The following ULK2 variants were observed in gnomAD, a reference collection of about 807,000 sequenced individuals.
ULK2 encodes the protein serine/threonine-protein kinase ULK2.
ULK2 carries 76 observed loss-of-function variants against 127.5 expected under a neutral mutation model. That is an observed-to-expected ratio of 0.60 (90% confidence interval 0.50 to 0.72). The LOEUF (loss-of-function observed/expected upper bound fraction) is 0.72, where lower values mean the gene tolerates loss of function less well. Ranked by LOEUF, ULK2 falls within the 30% of genes least tolerant of loss-of-function variation. ULK2 has a pLI of 0.00. For missense variants in ULK2, 1,144 were observed against 1,295.9 expected (o/e 0.88, Z 1.80); for synonymous variants, 452 against 461.9 (o/e 0.98, Z 0.28).
At chr17:19,843,011 C>G in intron 8 of ULK2, 110 bp downstream of exon 8, 2 of 925,146 alleles carry the variant, frequency 2.2e-6, no homozygotes, top group Middle Eastern at 2.2e-4. Flanking sequence ...AAGTAACTCA[C>G]AGAGGAGCCA....
Position 19,867,525 on chromosome 17 carries a change from G to A in ULK2, c.-108C>T. 1 of 705,572 alleles carries A rather than the reference G, an allele frequency of 1.4e-6. No homozygotes were observed. Among genetic ancestry groups the A allele is most frequent in the Non-Finnish European group, 2.0e-6 (1 of 508,490 alleles). The allele number at this position is 705,572 out of a possible 1,614,324, so 43.7% of individuals were successfully genotyped here. A position where few individuals can be genotyped will look rare whatever the true frequency, so the allele number is the denominator to read the frequency against. ...AGCGCGCCAGCGTGCGGCGGGTCTG[G>A]GGCAGCCGCAGCCCCGGGCCCGGGC... On this transcript the variant is annotated 5_prime_UTR_variant, in exon 1 of 27. Transcript: ENST00000395544.
chr17:19,782,150 G>T, intron 22 of ULK2, 83 bp from the exon 23 acceptor site: 2 of 1,355,264 alleles, frequency 1.5e-6, no homozygotes, highest in Non-Finnish European at 1.0e-6. Context: ...CATGGCCGCT[G>T]ATCATGTTTT....
At position 19,829,551 on chromosome 17, in the gene ULK2, G is replaced by GGA. The variant is rs1263900866; in HGVS notation, c.788-3366_788-3365insTC. On this transcript the variant is annotated intron_variant, in intron 10 of 26. Transcript: ENST00000395544. The stretch of plus-strand genomic sequence containing the variant: ...GACCCTGTCAAGGAAAAAAAAAAGG[G>GGA]GGGGGGCTGGGCACGGTAGCTCACG... Among the ~76,000 whole-genome samples the GGA allele has an allele frequency of 3.3e-3, 462 of 141,772 alleles. 47 individuals are homozygous for GGA. Among genetic ancestry groups the GGA allele is most frequent in the African/African-American group, 0.012 (449 of 38,826 alleles). 93.0% of individuals were successfully genotyped at this position (141,772 alleles called of 152,430 possible). A position where few individuals can be genotyped will look rare whatever the true frequency, so the allele number is the denominator to read the frequency against.
intron 17 of ULK2, 54 bp from the exon 18 acceptor site, chr17:19,797,736 A>C: frequency 7.3e-7 from 1 of 1,373,034 alleles, no homozygotes; most frequent in Non-Finnish European, 9.5e-7. Context: ...GCAGTGCAAA[A>C]ATGTAAAAAT....
rs534431794 is a variant in ULK2, at chr17:19,776,023, T to C, written c.*326A>G. 10 of 254,634 alleles carry C rather than the reference T, an allele frequency of 3.9e-5. No homozygotes were observed. In the South Asian group the frequency reaches 1.0e-3, roughly 26 times the overall value. 15.8% of individuals were successfully genotyped at this position (254,634 alleles called of 1,614,324 possible). ...CCCAGTGACGAGCACTCACTTTGTT[T>C]CATTTTTAATTATCTTTAAGAATAA... On this transcript the variant is annotated 3_prime_UTR_variant, in exon 27 of 27. Coordinates refer to ENST00000395544, the MANE Select transcript of ULK2 (RefSeq NM_014683.4).
intron 25 of ULK2, among the ~76,000 whole-genome samples, chr17:19,778,893 G>C (rs205097): frequency 0.86 from 130,301 of 152,240 alleles, 57,315 homozygotes; most frequent in Non-Finnish European, 0.97. Context: ...TAAGCAGCCA[G>C]GACGAACGGA....
rs2086897365 is a variant in ULK2 at position 19,780,570 on chromosome 17, C to G, written c.2818G>C (p.Glu940Gln). 6.2e-7 allele frequency: 1 copy of G among 1,613,838 alleles called. No homozygotes were observed. Among genetic ancestry groups the G allele is most frequent in the Non-Finnish European group, 8.5e-7 (1 of 1,179,912 alleles). ...FCITMCKKLT[E>Q]KLNRFFSDKQ... ...TCAGAGAAGAATCGATTCAGCTTTT[C>G]TGTAAGTTTCTTGCACATGGTGATG... is the stretch of plus-strand genomic sequence containing the variant. The change falls in exon 25 of 27, where the codon GAA becomes CAA. Residue 940 changes from glutamate to glutamine, a missense_variant. By Grantham distance (29) the Glu-to-Gln change is conservative (BLOSUM62 2). Transcript: ENST00000395544.
At position 19,799,020 on chromosome 17, in the gene ULK2, G is replaced by C. The variant is rs530155444; in HGVS notation, c.1522+475C>G. Among the ~76,000 whole-genome samples, 3 of 152,122 alleles carry C rather than the reference G, an allele frequency of 2.0e-5. 1 individual carries two copies. In the South Asian group the frequency reaches 6.2e-4, roughly 32 times the overall value. The stretch of plus-strand genomic sequence containing the variant: ...TACTAAAAATACAAAAATTAGCCGG[G>C]CATGGTGTTGCTCACCTGTAGTCCC... On this transcript the variant is annotated intron_variant, in intron 17 of 26. Transcript: ENST00000395544.
At chr17:19,829,182 C>T (rs546638958) in intron 10 of ULK2, among the ~76,000 whole-genome samples, 36 of 152,208 alleles carry the variant, frequency 2.4e-4, no homozygotes, top group Non-Finnish European at 1.5e-4. Context: ...AAGAGAAGGG[C>T]AAAGTTGACT....
chr17:19,825,679 G>A (rs925834720), intron 11 of ULK2, among the ~76,000 whole-genome samples: 20 of 149,194 alleles, frequency 1.3e-4, no homozygotes, highest in Non-Finnish European at 1.2e-4. Context: ...GAGTGACAGA[G>A]CAAGACTCCG....
At chr17:19,791,468 T>C (rs574808025) in intron 20 of ULK2, among the ~76,000 whole-genome samples, 2 of 152,276 alleles carry the variant, frequency 1.3e-5, no homozygotes, top group South Asian at 2.1e-4. Context: ...GCAAATCACA[T>C]GTGGCCAGGA....
intron 20 of ULK2, among the ~76,000 whole-genome samples, chr17:19,793,580 TAC>T (rs1661594787): frequency 6.6e-6 from 1 of 152,054 alleles, no homozygotes; most frequent in Admixed American, 6.6e-5. Context: ...TGGAAGAAAA[TAC>T]AGAGTTAGGC....
In ULK2 at chr17:19,785,963, A is replaced by G. The variant is rs139448845; in HGVS notation, c.2225T>C (p.Met742Thr). 2.5e-6 allele frequency: 4 copies of G among 1,594,292 alleles called. No individual in the cohort carries two copies. Among genetic ancestry groups the G allele is most frequent in the African/African-American group, 1.4e-5 (1 of 72,702 alleles). Residue 742 changes from methionine (M) to threonine (T), a missense_variant, in exon 21 of 27, where the codon ATG (methionine) becomes ACG (threonine). By Grantham distance (81) the Met-to-Thr change is moderately conservative. Around this residue, in one of 2 missense-constraint regions of ULK2, gnomAD observed 913 missense variants for 970.5 expected, o/e 0.94. Coordinates refer to ENST00000395544, the MANE Select transcript of ULK2 (RefSeq NM_014683.4). The part of the protein sequence containing the change: ...HSAAAPTCTH[M>T]FLRTRTTSVG... ...TGAGGTTGTTCTTGTTCGAAGGAACATGTGGGTACAAGTGGGGGCTGCCGC... is the reference window on the plus strand; with the variant it reads ...TGAGGTTGTTCTTGTTCGAAGGAACGTGTGGGTACAAGTGGGGGCTGCCGC...
intron 2 of ULK2, among the ~76,000 whole-genome samples, chr17:19,865,177 T>C (rs1329374049): frequency 1.3e-5 from 2 of 152,224 alleles, no homozygotes; most frequent in Non-Finnish European, 2.9e-5. Flanking sequence ...GAAACAAGTT[T>C]CTTCATTGTA....
intron 26 of ULK2, among the ~76,000 whole-genome samples, chr17:19,777,053 ATATC>A (rs1305271873): frequency 2.0e-5 from 3 of 152,124 alleles, no homozygotes; most frequent in Admixed American, 6.6e-5. Flanking sequence ...ATTTATCTAT[ATATC>A]TATCTATGTA....
chr17:19,821,032 C>T (rs1042055684), intron 12 of ULK2, among the ~76,000 whole-genome samples: 2 of 152,162 alleles, frequency 1.3e-5, no homozygotes, highest in Admixed American at 6.5e-5. Context: ...ATAGGCCAGG[C>T]GAGGAGGCTC....
In ULK2 at chr17:19,841,448, T is replaced by C. The variant is rs761957255; in HGVS notation, c.704+41A>G. 1.8e-5 allele frequency: 27 copies of C among 1,523,458 alleles called. No homozygotes were observed. In the Admixed American group the frequency reaches 5.8e-4, roughly 33 times the overall value. 94.4% of individuals were successfully genotyped at this position (1,523,458 alleles called of 1,614,324 possible). A position where few individuals can be genotyped will look rare whatever the true frequency, so the allele number is the denominator to read the frequency against. On this transcript the variant is annotated intron_variant, in intron 9 of 26. Coordinates refer to ENST00000395544, the MANE Select transcript of ULK2 (RefSeq NM_014683.4). ...CAAACAGTTCAAATAAACAACACTG[T>C]ATTCACAAATAGTAAAACCCAGTGT... is the stretch of plus-strand genomic sequence containing the variant.
At chr17:19,809,833 A>T (rs1368069554) in intron 14 of ULK2, among the ~76,000 whole-genome samples, 1 of 151,090 alleles carries the variant, frequency 6.6e-6, no homozygotes, top group Admixed American at 6.6e-5. Flanking sequence ...TGAACCCAGG[A>T]GGCGGTGGTT....
Position 19,801,795 on chromosome 17 carries a change from A to G in ULK2, c.1423T>C (p.Tyr475His), listed in dbSNP as rs759137113. 1.2e-6 allele frequency: 2 copies of G among 1,613,962 alleles called. No homozygotes were observed. Among genetic ancestry groups the G allele is most frequent in the Non-Finnish European group, 1.7e-6 (2 of 1,179,988 alleles). Residue 475 changes from tyrosine to histidine, a missense_variant, in exon 16 of 27, where the codon TAC becomes CAC. Physicochemically the swap from Tyr to His is moderately conservative, Grantham distance 83. Transcript: ENST00000395544. ...TACTTACCCAAAGGGGAAGGTGAGT[A>G]AGGCCTAGAAGACCCAGTGGAGAGC... ...RRLSTGSSRPYSPSPLVGTIP... is the reference protein window; with the variant it reads ...RRLSTGSSRPHSPSPLVGTIP...
Sources: gnomAD v4.1 joint callset for allele counts (sites outside exome capture counted in the v4.1 genomes callset) on GRCh38, gnomAD v4.1.1 for gene constraint, gnomAD v4.1.1 regional missense constraint, MANE v1.5 for transcripts, NCBI Gene and HGNC (gene_info 2026-07-23, HGNC 2026-07-21) for gene names.